The following TUBGCP4 variants were observed in gnomAD, a reference collection of about 807,000 sequenced individuals.
TUBGCP4 encodes tubulin gamma complex component 4.
A neutral mutation model predicts 91.6 loss-of-function variants in TUBGCP4; 54 were observed. The observed-to-expected ratio is 0.59, with a 90% CI of 0.47 to 0.74. The LOEUF is 0.74. TUBGCP4 is among the 30% of genes least tolerant of loss of function. TUBGCP4 has a pLI of 0.00. For synonymous variants in TUBGCP4, 297 were observed against 302.8 expected (o/e 0.98, Z 0.20); for missense variants, 593 against 800.9 (o/e 0.74, Z 3.13).
chr15:43,408,570 C>T lies in TUBGCP4; in HGVS notation c.*3356C>T. The stretch of plus-strand genomic sequence containing the variant: ...CTTGCATTCCTGGCTTTCTAATTTC[C>T]ATGTTTGTTCTGGGGCTGAGAATAA... On this transcript the variant is annotated 3_prime_UTR_variant, in exon 18 of 18. Transcript: ENST00000564079. 3 of 317,922 alleles carry T rather than the reference C, an allele frequency of 9.4e-6. No individual in the cohort carries two copies. The highest frequency in any genetic ancestry group is 4.1e-5 in the South Asian group (1 of 24,386). The allele number at this position is 317,922 out of a possible 1,614,324, so 19.7% of individuals were successfully genotyped here.
Position 43,407,335 on chromosome 15 carries a change from C to CACA in TUBGCP4, c.*2123_*2125dup. ...AGACACATTTAAAACCTGGTTAAAA[C>CACA]ACAATCTCCACGATAGCAGGGAATA... On this transcript the variant is annotated 3_prime_UTR_variant, in exon 18 of 18. Coordinates refer to ENST00000564079, the MANE Select transcript of TUBGCP4 (RefSeq NM_014444.5). The CACA allele has an allele frequency of 6.4e-7, 1 of 1,564,988 alleles. No homozygotes were observed. Among genetic ancestry groups the CACA allele is most frequent in the Admixed American group, 1.7e-5 (1 of 58,904 alleles).
intron 7 of TUBGCP4, chr15:43,385,466 G>A (rs1427353118): frequency 4.4e-6 from 2 of 455,782 alleles, no homozygotes; most frequent in Non-Finnish European, 8.5e-6. Context: ...GACATAGAGA[G>A]AAGACCTGGA....
At chr15:43,377,295 T>C (rs1164194267) in intron 4 of TUBGCP4, among the ~76,000 whole-genome samples, 1 of 152,170 alleles carries the variant, frequency 6.6e-6, no homozygotes. Context: ...TATATGGACA[T>C]CAGTATTAAC....
intron 11 of TUBGCP4, among the ~76,000 whole-genome samples, chr15:43,396,774 C>G (rs1465671779): frequency 6.6e-6 from 1 of 152,178 alleles, no homozygotes; most frequent in East Asian, 1.9e-4. Flanking sequence ...AAGATAGTCT[C>G]TAGCCAAGTT....
chr15:43,393,594 C>T (rs1180791167), intron 9 of TUBGCP4, among the ~76,000 whole-genome samples: 3 of 151,940 alleles, frequency 2.0e-5, no homozygotes, highest in African/African-American at 4.8e-5. Context: ...TATCCCTCCC[C>T]GGTCCCCCCA....
At position 43,404,561 on chromosome 15, in the gene TUBGCP4, A is replaced by T; in HGVS notation, c.1988+9A>T. ...GGTGGAACTCTGGGCAGGTAGGAGC[A>T]ACCCTTGGGTAACTCAGTAGACTTT... On this transcript the variant is annotated intron_variant, in intron 17 of 17. Transcript: ENST00000564079. The T allele has an allele frequency of 1.2e-6, 2 of 1,613,902 alleles. No homozygotes were observed. Among genetic ancestry groups the T allele is most frequent in the Non-Finnish European group, 1.7e-6 (2 of 1,179,868 alleles).
Position 43,386,300 on chromosome 15 carries a change from G to C in TUBGCP4, c.984G>C (p.Val328=). 1 of 1,571,036 alleles carries C rather than the reference G, an allele frequency of 6.4e-7. No individual in the cohort carries two copies. Among genetic ancestry groups the C allele is most frequent in the African/African-American group, 1.5e-5 (1 of 68,442 alleles). Residue 328 remains valine, a synonymous_variant, in exon 9 of 18, where the codon GTG becomes GTC. Transcript: ENST00000564079. ...PLFSLVDFEQ[V]VDRIRSTVAE... The stretch of plus-strand genomic sequence containing the variant: ...TCAGCTTGGTGGACTTTGAACAGGT[G>C]GTGGATCGCATTCGCAGCACTGTGG...
intron 9 of TUBGCP4, among the ~76,000 whole-genome samples, chr15:43,392,727 G>T (rs1395475585): frequency 3.3e-5 from 5 of 152,108 alleles, no homozygotes; most frequent in Non-Finnish European, 5.9e-5. Flanking sequence ...CCGAACTGCT[G>T]AGCTCAAGTG....
At chr15:43,391,947 C>T (rs894964091) in intron 9 of TUBGCP4, among the ~76,000 whole-genome samples, 7 of 151,902 alleles carry the variant, frequency 4.6e-5, no homozygotes, top group Non-Finnish European at 1.0e-4. Flanking sequence ...CCCAGCTACT[C>T]GGGAGGCTGA....
intron 6 of TUBGCP4, among the ~76,000 whole-genome samples, chr15:43,382,212 A>AG (rs2044294940): frequency 4.3e-5 from 4 of 92,114 alleles, no homozygotes; most frequent in Admixed American, 2.0e-4. Context: ...ACCCTGTCTC[A>AG]AAAAAAAAAG....
At chr15:43,402,895 C>G (rs919452855) in intron 15 of TUBGCP4, 8 of 152,146 alleles carry the variant, frequency 5.3e-5, no homozygotes, top group African/African-American at 1.9e-4. Context: ...TAAAAATGTT[C>G]TGGTGTTTAG....
chr15:43,396,959 G>T lies in TUBGCP4; in HGVS notation c.1172-255G>T, dbSNP rs4419035. 0.039 allele frequency among the ~76,000 whole-genome samples: 5,927 copies of T among 152,204 alleles called. 302 individuals are homozygous for T. Among genetic ancestry groups the T allele is most frequent in the East Asian group, 0.12 (618 of 5,178 alleles). On this transcript the variant is annotated intron_variant, in intron 11 of 17. Transcript: ENST00000564079. The stretch of plus-strand genomic sequence containing the variant: ...TGCCTACATCACCCAGCTACCCCTA[G>T]AATCAGGTGTTGTCTAGCACTAACC...
chr15:43,399,229 G>A (rs1181681283), intron 13 of TUBGCP4: 5 of 1,056,252 alleles, frequency 4.7e-6, no homozygotes, highest in East Asian at 6.3e-5. Context: ...TGTCTTTTAA[G>A]TATGGAGTCT....
chr15:43,376,354 TG>T (rs1195699944), intron 2 of TUBGCP4, 128 bp downstream of exon 2: 2 of 1,596,234 alleles, frequency 1.3e-6, no homozygotes, highest in Non-Finnish European at 1.7e-6. Context: ...AAATAAGTTA[TG>T]GATTTCTCAT....
At position 43,408,110 on chromosome 15, in the gene TUBGCP4, A is replaced by G; in HGVS notation, c.*2896A>G. The G allele has an allele frequency of 6.2e-7, 1 of 1,610,198 alleles. No individual in the cohort carries two copies. Among genetic ancestry groups the G allele is most frequent in the Non-Finnish European group, 8.5e-7 (1 of 1,178,124 alleles). On this transcript the variant is annotated 3_prime_UTR_variant, in exon 18 of 18. Coordinates refer to ENST00000564079, the MANE Select transcript of TUBGCP4 (RefSeq NM_014444.5). ...TTGCCTATGAAGGAGACAGGAAAGG[A>G]CCTTAGCATGACAAGTAATATCCAA... is the stretch of plus-strand genomic sequence containing the variant.
intron 9 of TUBGCP4, among the ~76,000 whole-genome samples, chr15:43,386,788 C>G (rs1303497416): frequency 6.9e-6 from 1 of 144,486 alleles, no homozygotes; most frequent in Non-Finnish European, 1.5e-5. Context: ...ATCTTGATGT[C>G]TTGATGAGTT....
At chr15:43,395,511 A>G (rs2142858618) in intron 10 of TUBGCP4, 72 bp from the exon 11 acceptor site, 4 of 1,100,968 alleles carry the variant, frequency 3.6e-6, no homozygotes, top group Non-Finnish European at 5.5e-6. Context: ...TACTGTATAC[A>G]TGTAATTCCT....
chr15:43,373,417 C>T (rs1595474255), intron 1 of TUBGCP4, among the ~76,000 whole-genome samples: 1 of 152,206 alleles, frequency 6.6e-6, no homozygotes, highest in East Asian at 1.9e-4. Flanking sequence ...ACTGGTAGAG[C>T]TGTCTTGTTA....
intron 14 of TUBGCP4, among the ~76,000 whole-genome samples, chr15:43,401,054 A>G (rs2044668620): frequency 6.6e-6 from 1 of 152,098 alleles, no homozygotes; most frequent in South Asian, 2.1e-4. Flanking sequence ...TCTATTATTT[A>G]TTGTTGACTT....
Sources: gnomAD v4.1 joint callset for allele counts (sites outside exome capture counted in the v4.1 genomes callset) on GRCh38, gnomAD v4.1.1 for gene constraint, MANE v1.5 for transcripts, NCBI Gene and HGNC (gene_info 2026-07-23, HGNC 2026-07-21) for gene names.